The following RNGTT variants were observed in gnomAD, a reference collection of about 807,000 sequenced individuals.
The protein encoded by RNGTT is RNA guanylyltransferase and 5'-phosphatase.
A neutral mutation model predicts 79.3 loss-of-function variants in RNGTT; 33 were observed. The observed-to-expected ratio is 0.42, with a 90% CI of 0.32 to 0.56. RNGTT has a LOEUF of 0.56. Ranked by LOEUF, RNGTT falls within the 20% of genes least tolerant of loss-of-function variation. The probability of loss-of-function intolerance (pLI) is 0.17; values close to 1 mark genes in which losing one functional copy is unlikely to be tolerated. For synonymous variants in RNGTT, 222 were observed against 235.9 expected, an observed-to-expected ratio of 0.94 and a Z score of 0.54; for missense variants, 497 against 739.1, an observed-to-expected ratio of 0.67 and a Z score of 3.80.
chr6:88,632,792 G>A (rs1156331094), intron 14 of RNGTT, among the ~76,000 whole-genome samples: 1 of 152,152 alleles, frequency 6.6e-6, no homozygotes, highest in African/African-American at 2.4e-5. Flanking sequence ...GTTAATTCTA[G>A]TCTAGTATAA....
chr6:88,771,811 G>A (rs1442118338), intron 12 of RNGTT, among the ~76,000 whole-genome samples: 1 of 151,760 alleles, frequency 6.6e-6, no homozygotes, highest in African/African-American at 2.4e-5. Context: ...AATTATCAAC[G>A]CAAAAATTCA....
At position 88,611,258 on chromosome 6, in the gene RNGTT, T is replaced by A. The variant is rs976439340; in HGVS notation, c.*1461A>T. The A allele has an allele frequency of 6.6e-6, 1 of 152,628 alleles. No individual in the cohort carries two copies. Among genetic ancestry groups the A allele is most frequent in the Admixed American group, 6.5e-5 (1 of 15,288 alleles). The allele number at this position is 152,628 out of a possible 1,614,324, so 9.5% of individuals were successfully genotyped here. On this transcript the variant is annotated 3_prime_UTR_variant, in exon 16 of 16. Coordinates refer to ENST00000369485, the MANE Select transcript of RNGTT (RefSeq NM_003800.5). ...ACATTTTTGGTTCATCTGTGCTATG[T>A]CCATATAGAAATCCCGTCAGATATT...
At chr6:88,742,704 C>T (rs1033570206) in intron 13 of RNGTT, among the ~76,000 whole-genome samples, 1 of 152,072 alleles carries the variant, frequency 6.6e-6, no homozygotes, top group Non-Finnish European at 1.5e-5. Context: ...AAATGAATTC[C>T]AATATTAGAT....
intron 8 of RNGTT, among the ~76,000 whole-genome samples, chr6:88,886,233 C>T (rs556120103): frequency 1.8e-4 from 27 of 152,048 alleles, no homozygotes; most frequent in African/African-American, 4.3e-4. Context: ...GTGAACCCAG[C>T]GGGCGGAGCC....
At chr6:88,823,756 CT>C (rs1283955792) in intron 11 of RNGTT, among the ~76,000 whole-genome samples, 1 of 152,008 alleles carries the variant, frequency 6.6e-6, no homozygotes. Context: ...ATTCTTTCAA[CT>C]TTTCTGTATA....
chr6:88,735,793 C>T (rs923211010), intron 13 of RNGTT, among the ~76,000 whole-genome samples: 9 of 151,658 alleles, frequency 5.9e-5, no homozygotes, highest in African/African-American at 2.2e-4. Context: ...GCAATTTAAC[C>T]TTAAAGCACT....
chr6:88,958,101 A>T (rs1034660382), intron 1 of RNGTT, among the ~76,000 whole-genome samples: 2 of 152,244 alleles, frequency 1.3e-5, no homozygotes, highest in Admixed American at 1.3e-4. Context: ...GATCTTTGAC[A>T]AAGCAAACAA....
intron 8 of RNGTT, among the ~76,000 whole-genome samples, chr6:88,854,458 A>G (rs1347693622): frequency 3.3e-5 from 5 of 152,182 alleles, no homozygotes; most frequent in African/African-American, 1.2e-4. Context: ...CTCAATAACT[A>G]TATGGATTAG....
intron 11 of RNGTT, among the ~76,000 whole-genome samples, chr6:88,808,998 G>A (rs1332180252): frequency 2.0e-5 from 3 of 151,616 alleles, no homozygotes; most frequent in Admixed American, 6.6e-5. Context: ...GTCTACAACA[G>A]CCCACTTTGT....
At chr6:88,940,940 G>A (rs1271354413) in intron 2 of RNGTT, 131 bp downstream of exon 2, 1 of 548,026 alleles carries the variant, frequency 1.8e-6, no homozygotes, top group Non-Finnish European at 3.2e-6. Flanking sequence ...AGAATTCTAT[G>A]TACAATTACT....
chr6:88,955,658 C>G (rs1171278628), intron 1 of RNGTT, among the ~76,000 whole-genome samples: 1 of 151,836 alleles, frequency 6.6e-6, no homozygotes, highest in Admixed American at 6.6e-5. Flanking sequence ...AACCCAAACC[C>G]AGCAGAAGAA....
At chr6:88,839,626 TG>T (rs963090521) in intron 11 of RNGTT, among the ~76,000 whole-genome samples, 5 of 152,134 alleles carry the variant, frequency 3.3e-5, no homozygotes, top group African/African-American at 1.2e-4. Flanking sequence ...TAAATAAATG[TG>T]TTTATTTATT....
rs187557799 is a variant in RNGTT, at chr6:88,683,021, T to C, written c.1440-4602A>G. 2.1e-4 allele frequency among the ~76,000 whole-genome samples: 32 copies of C among 152,148 alleles called. No homozygotes were observed. The East Asian group carries it at 5.6e-3, about 27-fold the overall frequency. On this transcript the variant is annotated intron_variant, in intron 13 of 15. Transcript: ENST00000369485. ...AGAAATTTACAATCCAAAATATATA[T>C]ATGAAAAAGAAGAAATGCTTTATAG...
At position 88,880,512 on chromosome 6, in the gene RNGTT, A is replaced by G. The variant is rs919692183; in HGVS notation, c.896+9983T>C. Among the ~76,000 whole-genome samples, 2 of 152,206 alleles carry G rather than the reference A, an allele frequency of 1.3e-5. 1 individual carries two copies. The highest frequency in any genetic ancestry group is 4.8e-5 in the African/African-American group (2 of 41,456). On this transcript the variant is annotated intron_variant, in intron 8 of 15. Coordinates refer to ENST00000369485, the MANE Select transcript of RNGTT (RefSeq NM_003800.5). ...GTGTATTATATAAATATGTAAGTCAAAAGATATAAATACAGATATAGATAC... is the reference window on the plus strand; with the variant it reads ...GTGTATTATATAAATATGTAAGTCAGAAGATATAAATACAGATATAGATAC...
At chr6:88,872,000 C>T (rs748669868) in intron 8 of RNGTT, among the ~76,000 whole-genome samples, 3 of 152,074 alleles carry the variant, frequency 2.0e-5, no homozygotes, top group Non-Finnish European at 4.4e-5. Flanking sequence ...ACACTGAAGC[C>T]TATTCTCCAC....
chr6:88,729,238 C>T (rs977334721), intron 13 of RNGTT, among the ~76,000 whole-genome samples: 1 of 152,158 alleles, frequency 6.6e-6, no homozygotes, highest in African/African-American at 2.4e-5. Context: ...TTTTCAAAAG[C>T]TTACCAATCA....
intron 8 of RNGTT, among the ~76,000 whole-genome samples, chr6:88,856,729 G>C (rs1781856825): frequency 6.6e-6 from 1 of 151,974 alleles, no homozygotes; most frequent in Non-Finnish European, 1.5e-5. Flanking sequence ...ATGTTCTTTT[G>C]TTATGCGATA....
chr6:88,677,434 T>C (rs1390030958), intron 14 of RNGTT, among the ~76,000 whole-genome samples: 1 of 152,146 alleles, frequency 6.6e-6, no homozygotes, highest in Non-Finnish European at 1.5e-5. Context: ...GTACAGTTTA[T>C]TGTTCTTCAA....
At chr6:88,809,923 C>G (rs1780081008) in intron 11 of RNGTT, among the ~76,000 whole-genome samples, 1 of 151,574 alleles carries the variant, frequency 6.6e-6, no homozygotes, top group African/African-American at 2.4e-5. Flanking sequence ...GTGGCATGCA[C>G]CTAAGTCGCA....
Sources: allele counts gnomAD v4.1 joint callset (sites outside exome capture counted in the v4.1 genomes callset), GRCh38; gene constraint gnomAD v4.1.1; transcripts MANE v1.5; gene names NCBI Gene and HGNC (gene_info 2026-07-23, HGNC 2026-07-21).